TTC3: variants seen among roughly 807,000 people sequenced by gnomAD.
The protein encoded by TTC3 is E3 ubiquitin-protein ligase TTC3.
TTC3 carries 180 observed loss-of-function variants against 249.6 expected under a neutral mutation model. The ratio of observed to expected loss-of-function variants is 0.72; its 90% CI spans 0.64 to 0.82. TTC3 has a LOEUF of 0.82. Among genes scored for constraint, TTC3 ranks in the 40% least tolerant of loss-of-function variants. The pLI is 0.00. For missense variants in TTC3, 2,061 were observed against 2,398.4 expected (o/e 0.86, Z 2.94); for synonymous variants, 717 against 805.0 (o/e 0.89, Z 1.85).
intron 1 of TTC3, among the ~76,000 whole-genome samples, chr21:37,075,897 GT>G (rs1348764832): frequency 5.3e-5 from 8 of 151,944 alleles, no homozygotes; most frequent in Non-Finnish European, 1.2e-4. Flanking sequence ...TATGATGAAT[GT>G]TTAAAAAATT....
intron 21 of TTC3, among the ~76,000 whole-genome samples, chr21:37,145,452 C>T (rs1384554362): frequency 6.6e-6 from 1 of 152,210 alleles, no homozygotes; most frequent in African/African-American, 2.4e-5. Flanking sequence ...CCACTTCACA[C>T]TCATTAGGAT....
chr21:37,118,915 TTCATG>T (rs1468974453), intron 11 of TTC3, among the ~76,000 whole-genome samples: 2 of 152,210 alleles, frequency 1.3e-5, no homozygotes, highest in Non-Finnish European at 2.9e-5. Context: ...TCTTGCATAT[TTCATG>T]TCTTTAACAT....
At chr21:37,087,156 A>T in intron 1 of TTC3, 91 bp from the exon 2 acceptor site, 1 of 1,433,388 alleles carries the variant, frequency 7.0e-7, no homozygotes, top group Non-Finnish European at 9.5e-7. Flanking sequence ...GGTTCCAAGT[A>T]TTTTTCTAAT....
At position 37,165,562 on chromosome 21, in the gene TTC3, GT is replaced by G; in HGVS notation, c.3353del (p.Leu1118TrpfsTer9). ...AATTTTTTCCAAGTTACTTCTCTCA[GT>G]TTTTGGAGGAACATGGTCCCTTGGA... On this transcript the variant is annotated frameshift_variant, in exon 33 of 46. Transcript: ENST00000355666. LOFTEE classifies it high-confidence loss of function. The G allele has an allele frequency of 6.3e-7, 1 of 1,589,362 alleles. No individual in the cohort carries two copies. Among genetic ancestry groups the G allele is most frequent in the Non-Finnish European group, 8.6e-7 (1 of 1,167,816 alleles).
chr21:37,180,794 AG>A (rs897015288), intron 35 of TTC3, among the ~76,000 whole-genome samples: 3 of 152,020 alleles, frequency 2.0e-5, no homozygotes, highest in Non-Finnish European at 4.4e-5. Context: ...GAAAAAAAAA[AG>A]AATGTTTTAA....
intron 10 of TTC3, among the ~76,000 whole-genome samples, chr21:37,102,197 A>G (rs1406065287): frequency 6.6e-6 from 1 of 152,162 alleles, no homozygotes; most frequent in East Asian, 1.9e-4. Flanking sequence ...GTTATTACTC[A>G]CTGCATATTT....
intron 10 of TTC3, chr21:37,098,537 G>C (rs1352700579): frequency 6.6e-6 from 1 of 152,182 alleles, no homozygotes; most frequent in Non-Finnish European, 1.5e-5. Context: ...CTAGCTTGTG[G>C]TTTAATACCA....
exon 13 of TTC3, chr21:37,123,003 C>T (rs776912181): frequency 1.2e-6 from 2 of 1,613,874 alleles, no homozygotes; most frequent in South Asian, 2.2e-5. Flanking sequence ...AAATAAGGAT[C>T]CAATTAAAGC....
At chr21:37,168,521 T>C (rs752469950) in intron 34 of TTC3, among the ~76,000 whole-genome samples, 23 of 152,078 alleles carry the variant, frequency 1.5e-4, no homozygotes, top group South Asian at 1.0e-3. Context: ...AATACTTAAA[T>C]GTATATAAAG....
rs2075467811 is a variant in TTC3, at chr21:37,109,787, G to A, written c.900+1341G>A. Among the ~76,000 whole-genome samples, 3 of 152,224 alleles carry A rather than the reference G, an allele frequency of 2.0e-5. No individual in the cohort carries two copies. In the South Asian group the frequency reaches 6.2e-4, roughly 31 times the overall value. ...CCTCAAGTGGGTCCCTGACCCCCGAGTAGCCTAACTGGGAGGCACCCCCCA... is the reference window on the plus strand; with the variant it reads ...CCTCAAGTGGGTCCCTGACCCCCGAATAGCCTAACTGGGAGGCACCCCCCA... On this transcript the variant is annotated intron_variant, in intron 11 of 45. Transcript: ENST00000355666.
At chr21:37,163,617 T>G (rs1412411799) in intron 31 of TTC3, among the ~76,000 whole-genome samples, 1 of 152,220 alleles carries the variant, frequency 6.6e-6, no homozygotes, top group African/African-American at 2.4e-5. Context: ...CCCAAAGTGC[T>G]GGGATTACAG....
chr21:37,155,248 G>A (rs2079923987), intron 27 of TTC3, among the ~76,000 whole-genome samples: 3 of 149,530 alleles, frequency 2.0e-5, no homozygotes, highest in African/African-American at 5.0e-5. Context: ...TTTACCATAA[G>A]AGAGGTCCAG....
At chr21:37,088,053 AT>A (rs2072745426) in intron 3 of TTC3, 142 bp from the exon 4 acceptor site, 2 of 968,350 alleles carry the variant, frequency 2.1e-6, no homozygotes, top group African/African-American at 3.3e-5. Flanking sequence ...GCACTTAAAT[AT>A]TCTTAACATT....
intron 11 of TTC3, among the ~76,000 whole-genome samples, chr21:37,113,060 C>T (rs1297905025): frequency 6.6e-6 from 1 of 152,166 alleles, no homozygotes; most frequent in African/African-American, 2.4e-5. Flanking sequence ...TAAGAGCTAG[C>T]TATGACAAAC....
intron 18 of TTC3, among the ~76,000 whole-genome samples, chr21:37,137,579 A>G (rs534751814): frequency 4.7e-4 from 71 of 152,290 alleles, no homozygotes; most frequent in Non-Finnish European, 8.5e-4. Context: ...TTATACATGA[A>G]CAAAAAAAGT....
At chr21:37,080,894 G>C (rs898542514) in intron 1 of TTC3, among the ~76,000 whole-genome samples, 1 of 151,642 alleles carries the variant, frequency 6.6e-6, no homozygotes, top group African/African-American at 2.4e-5. Context: ...GACAACTTCT[G>C]TCTTTTAATT....
Position 37,165,539 on chromosome 21 carries a change from T to C in TTC3, c.3336-11T>C, listed in dbSNP as rs775141921. 4.5e-6 allele frequency: 7 copies of C among 1,571,412 alleles called. No individual in the cohort carries two copies. Among genetic ancestry groups the C allele is most frequent in the Non-Finnish European group, 3.4e-6 (4 of 1,161,030 alleles). On this transcript the variant is annotated splice_polypyrimidine_tract_variant and intron_variant, in intron 32 of 45. Transcript: ENST00000355666. ...TTATAGTAACTCATGTAAATGTAAA[T>C]TTTTTCCAAGTTACTTCTCTCAGTT...
rs751173567 is a variant in TTC3 at position 37,164,032 on chromosome 21, T to A, written c.3171-19T>A. 6.3e-7 allele frequency: 1 copy of A among 1,593,204 alleles called. No homozygotes were observed. Among genetic ancestry groups the A allele is most frequent in the South Asian group, 1.1e-5 (1 of 87,356 alleles). On this transcript the variant is annotated intron_variant, in intron 31 of 45. Transcript: ENST00000355666. ...TCTATCATCCACAAAATTGGGTGTT[T>A]TTTGTTGTTATTTACCAGCAATCGA...
rs988113647 is a variant in TTC3 at position 37,122,065 on chromosome 21, C to G, written c.1063+86C>G. 7 of 1,229,672 alleles carry G rather than the reference C, an allele frequency of 5.7e-6. No homozygotes were observed. The Admixed American group carries it at 1.6e-4, about 27-fold the overall frequency. 76.2% of individuals were successfully genotyped at this position (1,229,672 alleles called of 1,614,324 possible). ...GGTTTCTTGGATTAACAGAGGACCA[C>G]AAATCAATCCTCAGATGATTTATCC... On this transcript the variant is annotated intron_variant, in intron 12 of 45. Transcript: ENST00000355666.
Sources: allele counts gnomAD v4.1 joint callset (sites outside exome capture counted in the v4.1 genomes callset), GRCh38; gene constraint gnomAD v4.1.1; transcripts MANE v1.5; gene names NCBI Gene and HGNC (gene_info 2026-07-23, HGNC 2026-07-21).